Variants in PDE4D observed in about 807,000 individuals in gnomAD.
PDE4D encodes 3',5'-cyclic-AMP phosphodiesterase 4D.
Under a neutral mutation model 87.4 loss-of-function variants are expected in PDE4D, and 24 were observed. The ratio of observed to expected loss-of-function variants is 0.27; its 90% CI spans 0.20 to 0.39. The LOEUF (loss-of-function observed/expected upper bound fraction) is 0.39, where lower values mean the gene tolerates loss of function less well. Among genes scored for constraint, PDE4D ranks in the 10% least tolerant of loss-of-function variants. PDE4D has a pLI of 1.00. For missense variants in PDE4D, 714 were observed against 1,041.0 expected, an observed-to-expected ratio of 0.69 and a Z score of 4.32; for synonymous variants, 384 against 383.2, an observed-to-expected ratio of 1.00 and a Z score of -0.02.
At chr5:59,826,016 C>T (rs138568899) in intron 1 of PDE4D, among the ~76,000 whole-genome samples, 2 of 152,148 alleles carry the variant, frequency 1.3e-5, no homozygotes, top group Non-Finnish European at 2.9e-5. Flanking sequence ...AGGCTTGAAC[C>T]AAGGGATGTC....
At chr5:59,276,121 GGAAA>G (rs2153544265) in intron 1 of PDE4D, 1 of 467,350 alleles carries the variant, frequency 2.1e-6, no homozygotes, top group African/African-American at 5.3e-5. Context: ...CAGTGAGAAA[GGAAA>G]AAAAAAAAAA....
intron 1 of PDE4D, among the ~76,000 whole-genome samples, chr5:60,470,144 G>A (rs1747705592): frequency 6.6e-6 from 1 of 152,176 alleles, no homozygotes; most frequent in African/African-American, 2.4e-5. Flanking sequence ...TATAGGGAAA[G>A]TTTGGGCGGT....
chr5:59,446,455 C>T (rs1044923229), intron 1 of PDE4D, among the ~76,000 whole-genome samples: 1 of 152,182 alleles, frequency 6.6e-6, no homozygotes, highest in African/African-American at 2.4e-5. Flanking sequence ...AAAACTGCCT[C>T]TTAATTTTAT....
intron 5 of PDE4D, among the ~76,000 whole-genome samples, chr5:59,129,011 C>A (rs535474980): frequency 6.6e-6 from 1 of 152,304 alleles, no homozygotes; most frequent in South Asian, 2.1e-4. Context: ...GCTTTTCCTA[C>A]TACAACACAT....
At chr5:59,148,458 C>T (rs2153458683) in intron 5 of PDE4D, among the ~76,000 whole-genome samples, 2 of 152,198 alleles carry the variant, frequency 1.3e-5, no homozygotes, top group South Asian at 4.2e-4. Context: ...ACATCTGTGC[C>T]TCATCTCATT....
chr5:59,071,572 T>C (rs1764803040), intron 5 of PDE4D, among the ~76,000 whole-genome samples: 1 of 151,518 alleles, frequency 6.6e-6, no homozygotes. Context: ...GCATCTGCTT[T>C]TGTTTCGTGG....
intron 1 of PDE4D, among the ~76,000 whole-genome samples, chr5:59,496,240 T>C (rs1358161279): frequency 6.6e-6 from 1 of 152,156 alleles, no homozygotes; most frequent in Non-Finnish European, 1.5e-5. Flanking sequence ...TGGTGTGCTC[T>C]TCCACCAGCG....
chr5:59,589,043 C>T (rs1280855546), intron 1 of PDE4D, among the ~76,000 whole-genome samples: 2 of 152,134 alleles, frequency 1.3e-5, no homozygotes, highest in Admixed American at 1.3e-4. Context: ...TACAGTATTA[C>T]CCCATTTAAT....
At chr5:60,513,450 C>G (rs1583967366) in intron 1 of PDE4D, among the ~76,000 whole-genome samples, 1 of 151,996 alleles carries the variant, frequency 6.6e-6, no homozygotes, top group Non-Finnish European at 1.5e-5. Context: ...CAAAAATGAA[C>G]AGAATTACAA....
At chr5:59,019,598 C>T (rs1019641874) in intron 6 of PDE4D, among the ~76,000 whole-genome samples, 5 of 152,010 alleles carry the variant, frequency 3.3e-5, no homozygotes, top group Admixed American at 1.3e-4. Flanking sequence ...TACAATAAAG[C>T]GAATCCACAT....
intron 2 of PDE4D, among the ~76,000 whole-genome samples, chr5:60,056,281 C>G (rs1054844636): frequency 6.6e-6 from 1 of 151,932 alleles, no homozygotes; most frequent in African/African-American, 2.4e-5. Flanking sequence ...ACACCTTTTC[C>G]CAATGAGGCT....
intron 1 of PDE4D, among the ~76,000 whole-genome samples, chr5:59,600,295 T>C (rs1827311670): frequency 2.0e-5 from 3 of 152,214 alleles, no homozygotes; most frequent in African/African-American, 7.2e-5. Context: ...CTTAAAAATA[T>C]ATCTTCACAA....
intron 6 of PDE4D, among the ~76,000 whole-genome samples, chr5:59,004,000 A>G (rs1751062066): frequency 6.6e-6 from 1 of 152,014 alleles, no homozygotes; most frequent in South Asian, 2.1e-4. Context: ...CATCAATTTT[A>G]TTCTTTGACA....
At chr5:59,969,902 T>C (rs1024338082) in intron 3 of PDE4D, among the ~76,000 whole-genome samples, 2 of 152,212 alleles carry the variant, frequency 1.3e-5, no homozygotes, top group African/African-American at 4.8e-5. Context: ...GGCAGTTCTT[T>C]ATAGCAGTGT....
At chr5:60,353,916 A>G (rs938945099) in intron 1 of PDE4D, among the ~76,000 whole-genome samples, 1 of 152,070 alleles carries the variant, frequency 6.6e-6, no homozygotes, top group African/African-American at 2.4e-5. Context: ...TATGTTTTTT[A>G]TACCACCATT....
chr5:59,318,963 G>C (rs1486990783), intron 1 of PDE4D, among the ~76,000 whole-genome samples: 2 of 152,042 alleles, frequency 1.3e-5, no homozygotes, highest in East Asian at 3.9e-4. Context: ...TCTGTTCATT[G>C]CAGGCAGTCT....
At chr5:58,976,235 G>T in intron 13 of PDE4D, 115 bp downstream of exon 13, 1 of 1,143,122 alleles carries the variant, frequency 8.7e-7, no homozygotes, top group Non-Finnish European at 1.2e-6. Flanking sequence ...GCCTACAATT[G>T]CTGAAAGTAT....
intron 1 of PDE4D, among the ~76,000 whole-genome samples, chr5:60,397,340 C>G (rs1762953029): frequency 6.6e-6 from 1 of 152,148 alleles, no homozygotes; most frequent in South Asian, 2.1e-4. Context: ...AGCTACACTC[C>G]CATGTTCATT....
At position 59,607,888 on chromosome 5, in the gene PDE4D, A is replaced by C. The variant is rs149702709; in HGVS notation, c.455+285280T>G. On this transcript the variant is annotated intron_variant, in intron 1 of 14. Transcript: ENST00000340635. ...GAGACATCACTGGTACAATAAGAAG[A>C]AGCTGATTTGAGGATTTCCATAGAT... Among the ~76,000 whole-genome samples the C allele has an allele frequency of 1.2e-3, 176 of 152,214 alleles. 2 individuals are homozygous for C. The highest frequency in any genetic ancestry group is 4.0e-3 in the African/African-American group (167 of 41,532).
Sources: allele counts gnomAD v4.1 joint callset (sites outside exome capture counted in the v4.1 genomes callset), GRCh38; gene constraint gnomAD v4.1.1; transcripts MANE v1.5; gene names NCBI Gene and HGNC (gene_info 2026-07-23, HGNC 2026-07-21).